Variants in NCOR2 observed in about 807,000 individuals in gnomAD.
NCOR2 encodes the protein CTG repeat protein 26.
In NCOR2, 81 loss-of-function variants were observed where a neutral mutation model predicts 262.9. The ratio of observed to expected loss-of-function variants is 0.31; its 90% CI spans 0.26 to 0.37. NCOR2 has a LOEUF of 0.37. Ranked by LOEUF, NCOR2 falls within the 10% of genes least tolerant of loss-of-function variation. The probability of loss-of-function intolerance (pLI) is 1.00; values close to 1 mark genes in which losing one functional copy is unlikely to be tolerated. For missense variants in NCOR2, 3,385 were observed against 3,621.4 expected, an observed-to-expected ratio of 0.93 and a Z score of 1.68; for synonymous variants, 1,659 against 1,559.3, an observed-to-expected ratio of 1.06 and a Z score of -1.51.
chr12:124,487,908 T>C (rs1343012415), intron 1 of NCOR2, among the ~76,000 whole-genome samples: 1 of 149,182 alleles, frequency 6.7e-6, no homozygotes, highest in African/African-American at 2.5e-5. Context: ...GTAACAAGCC[T>C]CTCAAACAAA....
At chr12:124,509,819 A>G (rs1259459129) in intron 1 of NCOR2, among the ~76,000 whole-genome samples, 5 of 152,220 alleles carry the variant, frequency 3.3e-5, no homozygotes, top group African/African-American at 1.2e-4. Context: ...TGCCCAGCAC[A>G]GCCCAGCTCT....
chr12:124,551,361 G>A (rs543705063), intron 1 of NCOR2, among the ~76,000 whole-genome samples: 11 of 152,344 alleles, frequency 7.2e-5, no homozygotes, highest in African/African-American at 2.2e-4. Context: ...AGAGCAGCGC[G>A]CACAGATCCA....
At chr12:124,426,887 C>A (rs1450220601) in intron 10 of NCOR2, 87 bp from the exon 13 acceptor site, 7 of 1,316,734 alleles carry the variant, frequency 5.3e-6, no homozygotes, top group Non-Finnish European at 7.2e-6. Flanking sequence ...ACAGAGGGGA[C>A]GGATGGTCTG....
intron 4 of NCOR2, among the ~76,000 whole-genome samples, chr12:124,470,643 T>C (rs1254296117): frequency 2.0e-5 from 3 of 152,210 alleles, no homozygotes; most frequent in African/African-American, 4.8e-5. Flanking sequence ...GGTCAGTCCA[T>C]AGAGACAGAG....
exon 29 of NCOR2, chr12:124,348,256 G>T: frequency 6.2e-7 from 1 of 1,613,298 alleles, no homozygotes; most frequent in African/African-American, 1.3e-5. Flanking sequence ...CCGTCTCATG[G>T]GGGGGTCCTG....
intron 2 of NCOR2, among the ~76,000 whole-genome samples, chr12:124,484,269 C>T (rs1329095266): frequency 6.6e-6 from 1 of 152,224 alleles, no homozygotes; most frequent in East Asian, 1.9e-4. Flanking sequence ...GCTGGCCGAT[C>T]GCAGAACTCT....
upstream of NCOR2, chr12:124,537,881 C>T (rs910852038): frequency 6.6e-6 from 1 of 152,334 alleles, no homozygotes; most frequent in Non-Finnish European, 1.5e-5. Context: ...CTATGATGCC[C>T]CCAGGCTTGG....
intron 26 of NCOR2, 25 bp downstream of exon 28, chr12:124,354,453 G>A (rs768424828): frequency 2.0e-6 from 3 of 1,478,874 alleles, no homozygotes; most frequent in Non-Finnish European, 1.8e-6. Flanking sequence ...CAGATGCTGG[G>A]GGCCCAGGGC....
intron 5 of NCOR2, among the ~76,000 whole-genome samples, chr12:124,461,263 T>C (rs1423244465): frequency 1.3e-5 from 2 of 151,970 alleles, no homozygotes; most frequent in Non-Finnish European, 2.9e-5. Flanking sequence ...GCAGGGGAGG[T>C]GGCCAAGCCT....
At chr12:124,368,905 G>A (rs1055276399) in intron 20 of NCOR2, among the ~76,000 whole-genome samples, 1 of 152,238 alleles carries the variant, frequency 6.6e-6, no homozygotes, top group East Asian at 1.9e-4. Flanking sequence ...TCAGTCACTT[G>A]CAGAATAAAG....
chr12:124,488,995 A>G (rs1319322890), intron 1 of NCOR2, among the ~76,000 whole-genome samples: 1 of 150,914 alleles, frequency 6.6e-6, no homozygotes, highest in African/African-American at 2.4e-5. Flanking sequence ...TTGTTACTGG[A>G]CCCTAAACCC....
At chr12:124,336,677 C>T (rs2035935924) in intron 38 of NCOR2, 76 bp downstream of exon 40, 14 of 1,552,902 alleles carry the variant, frequency 9.0e-6, no homozygotes, top group South Asian at 1.2e-5. Context: ...ACCTCCTTCT[C>T]GCGCCCCTTT....
rs370402950 is a variant in NCOR2 at position 124,347,942 on chromosome 12, G to A, written c.3986-31C>T. ...TAGGAGAGGGTGAGGCCATCATTCC[G>A]TGGCTCCCTGAGCCGACACTGGGCA... On this transcript the variant is annotated intron_variant, in intron 29 of 46. Transcript: ENST00000405201. The A allele has an allele frequency of 2.0e-4, 307 of 1,549,100 alleles. 1 individual carries two copies. Among genetic ancestry groups the A allele is most frequent in the Non-Finnish European group, 5.5e-5 (63 of 1,144,750 alleles).
intron 5 of NCOR2, among the ~76,000 whole-genome samples, chr12:124,464,446 C>T (rs1317727003): frequency 2.0e-5 from 3 of 152,266 alleles, no homozygotes; most frequent in Non-Finnish European, 4.4e-5. Context: ...TCAATCTTGG[C>T]TCCAAGTCCC....
chr12:124,525,713 C>T (rs568547403), intron 1 of NCOR2, among the ~76,000 whole-genome samples: 3 of 152,334 alleles, frequency 2.0e-5, no homozygotes, highest in South Asian at 4.1e-4. Context: ...GGCGTACCCA[C>T]GGGGCAGAGG....
At chr12:124,329,181 C>T in intron 44 of NCOR2, 1 of 467,818 alleles carries the variant, frequency 2.1e-6, no homozygotes, top group Non-Finnish European at 4.4e-6. Context: ...AAAAATCAGG[C>T]TGGGCGTGAC....
At chr12:124,435,717 AG>A (rs1338768012) in intron 8 of NCOR2, among the ~76,000 whole-genome samples, 4 of 152,098 alleles carry the variant, frequency 2.6e-5, no homozygotes, top group African/African-American at 9.7e-5. Flanking sequence ...GGCACTGCTC[AG>A]CCCCACCATG....
At chr12:124,395,178 G>T (rs2041568969) in intron 16 of NCOR2, among the ~76,000 whole-genome samples, 1 of 152,164 alleles carries the variant, frequency 6.6e-6, no homozygotes, top group Non-Finnish European at 1.5e-5. Flanking sequence ...TAAAGGATGG[G>T]CAGAGACCAT....
intron 2 of NCOR2, among the ~76,000 whole-genome samples, chr12:124,484,879 C>CA (rs1180783818): frequency 6.6e-6 from 1 of 152,228 alleles, no homozygotes; most frequent in African/African-American, 2.4e-5. Context: ...TACTGGCGCA[C>CA]AGTAGGTGTT....
Sources: allele counts gnomAD v4.1 joint callset (sites outside exome capture counted in the v4.1 genomes callset), GRCh38; gene constraint gnomAD v4.1.1; transcripts MANE v1.5; gene names NCBI Gene and HGNC (gene_info 2026-07-23, HGNC 2026-07-21).